Variants in MAGI2 observed in about 807,000 individuals in gnomAD.
MAGI2 encodes membrane-associated guanylate kinase, WW and PDZ domain-containing protein 2.
Under a neutral mutation model 133.3 loss-of-function variants are expected in MAGI2, and 35 were observed. The observed-to-expected ratio is 0.26, with a 90% CI of 0.20 to 0.35. MAGI2 has a LOEUF of 0.35. Among genes scored for constraint, MAGI2 ranks in the 10% least tolerant of loss-of-function variants. MAGI2 has a pLI of 1.00. For synonymous variants in MAGI2, 729 were observed against 710.6 expected, an observed-to-expected ratio of 1.03 and a Z score of -0.41; for missense variants, 1,636 against 1,863.4, an observed-to-expected ratio of 0.88 and a Z score of 2.25.
intron 2 of MAGI2, among the ~76,000 whole-genome samples, chr7:78,663,183 G>A (rs1463539608): frequency 6.9e-6 from 1 of 145,030 alleles, no homozygotes; most frequent in Non-Finnish European, 1.5e-5. Flanking sequence ...TTAAAGCCAA[G>A]ATTTTATTTG....
At chr7:78,582,415 C>A (rs1802932696) in intron 3 of MAGI2, among the ~76,000 whole-genome samples, 1 of 152,186 alleles carries the variant, frequency 6.6e-6, no homozygotes, top group Admixed American at 6.5e-5. Context: ...AAGAAGGGAA[C>A]AATTGCACCT....
intron 2 of MAGI2, among the ~76,000 whole-genome samples, chr7:78,792,514 G>A (rs1186970589): frequency 1.3e-5 from 2 of 152,192 alleles, no homozygotes; most frequent in Non-Finnish European, 2.9e-5. Context: ...CATGGTTACA[G>A]AGTGTTGAGA....
Position 78,304,954 on chromosome 7 carries a change from C to A in MAGI2, c.1408+38824G>T, listed in dbSNP as rs139151432. ...GACCAGTGTGTGTGGAATGGAGTAG[C>A]ACTTCTACCACCTGCCATTATATTA... On this transcript the variant is annotated intron_variant, in intron 9 of 21. Transcript: ENST00000354212. Among the ~76,000 whole-genome samples, 391 of 152,276 alleles carry A rather than the reference C, an allele frequency of 2.6e-3. 3 individuals carry two copies. The highest frequency in any genetic ancestry group is 8.8e-3 in the African/African-American group (365 of 41,558).
chr7:79,183,346 T>G (rs1053249608), intron 1 of MAGI2, among the ~76,000 whole-genome samples: 1 of 151,876 alleles, frequency 6.6e-6, no homozygotes, highest in African/African-American at 2.4e-5. Context: ...AAAATACATT[T>G]AAATAAAATT....
At chr7:78,624,712 T>G (rs996333416) in intron 3 of MAGI2, among the ~76,000 whole-genome samples, 3 of 79,632 alleles carry the variant, frequency 3.8e-5, no homozygotes, top group Non-Finnish European at 9.1e-5. Context: ...AATATGTAGG[T>G]GATGGGGATG....
intron 2 of MAGI2, among the ~76,000 whole-genome samples, chr7:78,760,704 T>C (rs1215054656): frequency 6.6e-6 from 1 of 152,184 alleles, no homozygotes; most frequent in African/African-American, 2.4e-5. Flanking sequence ...CCTCTTTTGC[T>C]TTGTATGTCC....
In MAGI2 at chr7:79,056,316, T is replaced by C. The variant is rs11981935; in HGVS notation, c.302-49110A>G. On this transcript the variant is annotated intron_variant, in intron 1 of 21. Coordinates refer to ENST00000354212, the MANE Select transcript of MAGI2 (RefSeq NM_012301.4). ...AGGAGTTCAAGGCTGCTTCAAGCTA[T>C]GATCGCATCACTGCATTCCAGCCTG... Among the ~76,000 whole-genome samples the C allele has an allele frequency of 3.8e-3, 576 of 152,254 alleles. 2 individuals carry two copies. Among genetic ancestry groups the C allele is most frequent in the African/African-American group, 0.013 (527 of 41,558 alleles).
chr7:78,102,519 T>C (rs577301825), intron 20 of MAGI2, among the ~76,000 whole-genome samples: 6 of 152,244 alleles, frequency 3.9e-5, no homozygotes, highest in African/African-American at 1.4e-4. Context: ...TGGAAAACAT[T>C]TAAAAAAGAA....
intron 1 of MAGI2, among the ~76,000 whole-genome samples, chr7:79,357,487 T>C (rs1842096634): frequency 1.3e-5 from 2 of 152,228 alleles, no homozygotes; most frequent in Non-Finnish European, 2.9e-5. Flanking sequence ...TACCATCACT[T>C]TAATGTCCTC....
intron 2 of MAGI2, among the ~76,000 whole-genome samples, chr7:78,813,998 C>T (rs1242035753): frequency 6.6e-6 from 1 of 152,056 alleles, no homozygotes; most frequent in Non-Finnish European, 1.5e-5. Context: ...CCACATTACA[C>T]CAGAAGACAT....
chr7:78,496,801 A>G (rs1199530828), intron 5 of MAGI2, among the ~76,000 whole-genome samples: 2 of 152,122 alleles, frequency 1.3e-5, no homozygotes. Flanking sequence ...AGGACCATGG[A>G]GACAGTCTAC....
chr7:79,061,264 G>A (rs1813699286), intron 1 of MAGI2, among the ~76,000 whole-genome samples: 1 of 151,494 alleles, frequency 6.6e-6, no homozygotes, highest in African/African-American at 2.4e-5. Flanking sequence ...TACCTATCAG[G>A]TGTGCTTTGA....
chr7:78,393,393 G>A (rs4469390), intron 6 of MAGI2, among the ~76,000 whole-genome samples: 25,364 of 152,134 alleles, frequency 0.17, 2,249 homozygotes, highest in South Asian at 0.22. Context: ...GTGGGCAGCT[G>A]TGGCAGTTTG....
At chr7:79,255,092 T>C (rs1833588396) in intron 1 of MAGI2, among the ~76,000 whole-genome samples, 1 of 152,222 alleles carries the variant, frequency 6.6e-6, no homozygotes, top group Non-Finnish European at 1.5e-5. Context: ...TATTCTAATT[T>C]TTTATGCCTT....
At chr7:79,338,638 G>GT (rs377507758) in intron 1 of MAGI2, among the ~76,000 whole-genome samples, 3 of 152,170 alleles carry the variant, frequency 2.0e-5, no homozygotes, top group Non-Finnish European at 4.4e-5. Context: ...TGACATGTAC[G>GT]TTTTTTTCTG....
intron 1 of MAGI2, among the ~76,000 whole-genome samples, chr7:79,143,467 A>G (rs1240216439): frequency 1.3e-5 from 2 of 152,190 alleles, no homozygotes. Flanking sequence ...TCACAGTTCT[A>G]AATGAGCACC....
chr7:78,564,320 C>T (rs928918270), intron 3 of MAGI2, among the ~76,000 whole-genome samples: 2 of 152,170 alleles, frequency 1.3e-5, no homozygotes, highest in Non-Finnish European at 2.9e-5. Context: ...TGAGCGTCAA[C>T]ACTTCACAAT....
At chr7:78,206,294 C>T (rs12534365) in intron 10 of MAGI2, among the ~76,000 whole-genome samples, 7,246 of 44,668 alleles carry the variant, frequency 0.16, 294 homozygotes, top group Non-Finnish European at 0.23. Context: ...CTTTTCCTTT[C>T]TTTTTTTTTT....
chr7:78,186,584 G>A (rs1192604992), intron 12 of MAGI2, among the ~76,000 whole-genome samples: 1 of 152,028 alleles, frequency 6.6e-6, no homozygotes, highest in African/African-American at 2.4e-5. Flanking sequence ...CTAAATCCCT[G>A]GTCTTACTAT....
Sources: allele counts gnomAD v4.1 joint callset (sites outside exome capture counted in the v4.1 genomes callset), GRCh38; gene constraint gnomAD v4.1.1; transcripts MANE v1.5; gene names NCBI Gene and HGNC (gene_info 2026-07-23, HGNC 2026-07-21).